PARPBP: variants seen among roughly 807,000 people sequenced by gnomAD.
PARPBP encodes the protein PARP1 binding protein.
A neutral mutation model predicts 50.0 loss-of-function variants in PARPBP; 52 were observed. The observed-to-expected ratio is 1.04, with a 90% CI of 0.83 to 1.31. The LOEUF (loss-of-function observed/expected upper bound fraction) is 1.31, where lower values mean the gene tolerates loss of function less well. PARPBP is among the 50% of genes most tolerant of loss of function. PARPBP has a pLI of 0.00. For synonymous variants in PARPBP, 244 were observed against 232.1 expected (o/e 1.05, Z -0.47); for missense variants, 697 against 672.0 (o/e 1.04, Z -0.41).
Position 102,156,409 on chromosome 12 carries a change from G to T in PARPBP, c.495+2433G>T, listed in dbSNP as rs1297801115. ...GGGTTTCACCCTGTTAGCCAGGTTG[G>T]TCTCAATCTCCTGACCTCGTGATCC... On this transcript the variant is annotated intron_variant, in intron 4 of 10. Transcript: ENST00000327680. Among the ~76,000 whole-genome samples the T allele has an allele frequency of 5.3e-5, 8 of 151,146 alleles. No homozygotes were observed. In the East Asian group the frequency reaches 1.6e-3, roughly 30 times the overall value.
At chr12:102,178,155 A>G (rs76157805) in intron 7 of PARPBP, among the ~76,000 whole-genome samples, 5,444 of 152,298 alleles carry the variant, frequency 0.036, 388 homozygotes, top group East Asian at 0.3. Flanking sequence ...TGATTATTGA[A>G]TGAATGAATG....
intron 2 of PARPBP, among the ~76,000 whole-genome samples, chr12:102,145,699 G>A (rs140539968): frequency 2.4e-4 from 37 of 152,148 alleles, no homozygotes; most frequent in Middle Eastern, 3.4e-3. Flanking sequence ...TATTTCTCGT[G>A]GGATAGATAG....
intron 2 of PARPBP, among the ~76,000 whole-genome samples, chr12:102,146,391 A>C (rs999436540): frequency 1.3e-5 from 2 of 151,678 alleles, no homozygotes; most frequent in Admixed American, 1.3e-4. Flanking sequence ...GGAACAGAAC[A>C]GAGCCCTCGG....
rs1000860445 is a variant in PARPBP, at chr12:102,197,511, T to C, written c.*1220T>C. 5.0e-6 allele frequency: 8 copies of C among 1,590,582 alleles called. No individual in the cohort carries two copies. The African/African-American group carries it at 1.1e-4, about 22-fold the overall frequency. Reference sequence around the variant, plus strand: ...TCATTGAAATAAACGACAAGTCACATTGCCACTTACCTTTGAAACTTTATT... The same window carrying C: ...TCATTGAAATAAACGACAAGTCACACTGCCACTTACCTTTGAAACTTTATT... On this transcript the variant is annotated 3_prime_UTR_variant, in exon 11 of 11. Coordinates refer to ENST00000327680, the MANE Select transcript of PARPBP (RefSeq NM_017915.5).
intron 3 of PARPBP, among the ~76,000 whole-genome samples, chr12:102,152,816 A>G (rs1886384886): frequency 6.6e-6 from 1 of 152,008 alleles, no homozygotes. Context: ...AGATCAATTC[A>G]GACCAAAATT....
chr12:102,135,234 C>T (rs954946129), intron 2 of PARPBP, among the ~76,000 whole-genome samples: 3 of 151,850 alleles, frequency 2.0e-5, no homozygotes, highest in East Asian at 1.9e-4. Context: ...CATACTGAAT[C>T]GGAGAAAGAG....
At chr12:102,122,771 T>C (rs1881357652) in intron 1 of PARPBP, among the ~76,000 whole-genome samples, 1 of 152,230 alleles carries the variant, frequency 6.6e-6, no homozygotes, top group Admixed American at 6.5e-5. Context: ...ACTTACAAGC[T>C]GAGTGACGTG....
At chr12:102,120,498 C>A in intron 1 of PARPBP, 1 of 456,482 alleles carries the variant, frequency 2.2e-6, no homozygotes, top group Non-Finnish European at 4.4e-6. Context: ...GCTGGTAGGT[C>A]CTGAGGGTTC....
intron 6 of PARPBP, among the ~76,000 whole-genome samples, chr12:102,168,083 C>T (rs1021938255): frequency 1.3e-5 from 2 of 152,054 alleles, no homozygotes; most frequent in African/African-American, 2.4e-5. Context: ...TTTTTTTGTA[C>T]TTTGATGAAA....
chr12:102,165,839 C>A lies in PARPBP; in HGVS notation c.777C>A (p.Phe259Leu). 7.6e-6 allele frequency: 12 copies of A among 1,581,290 alleles called. No homozygotes were observed. The highest frequency in any genetic ancestry group is 1.0e-5 in the Non-Finnish European group (12 of 1,151,542). Residue 259 changes from phenylalanine (F) to leucine (L), a missense_variant, in exon 6 of 11, where the codon TTC becomes TTA. Transcript: ENST00000327680. The part of the protein sequence containing the change: ...HVKGLSNFIN[F>L]IDKLDEILGE... The stretch of plus-strand genomic sequence containing the variant: ...AGGGATTGTCTAATTTTATTAATTT[C>A]ATTGACAAATTAGATGAGATTCTTG...
At chr12:102,154,009 C>A (rs1187933778) in intron 4 of PARPBP, 33 bp downstream of exon 4, 3 of 1,200,254 alleles carry the variant, frequency 2.5e-6, no homozygotes, top group Non-Finnish European at 3.7e-6. Context: ...TTAAAGCAGA[C>A]TATAATCCCT....
chr12:102,191,318 G>T (rs569481942), intron 9 of PARPBP, among the ~76,000 whole-genome samples: 2 of 152,224 alleles, frequency 1.3e-5, no homozygotes, highest in Non-Finnish European at 2.9e-5. Context: ...CTGCTATTAA[G>T]CAGAGTAAAT....
At chr12:102,120,410 T>A in intron 1 of PARPBP, 124 bp downstream of exon 1, 1 of 455,632 alleles carries the variant, frequency 2.2e-6, no homozygotes, top group East Asian at 7.0e-5. Flanking sequence ...GACCGAAGTA[T>A]TATGGTGCAG....
At chr12:102,142,004 C>T (rs549000058) in intron 2 of PARPBP, among the ~76,000 whole-genome samples, 1 of 152,106 alleles carries the variant, frequency 6.6e-6, no homozygotes, top group Non-Finnish European at 1.5e-5. Flanking sequence ...GTGGAGTTCT[C>T]TGTATTTCCT....
At chr12:102,188,183 G>A (rs1485283176) in intron 9 of PARPBP, among the ~76,000 whole-genome samples, 1 of 151,902 alleles carries the variant, frequency 6.6e-6, no homozygotes, top group African/African-American at 2.4e-5. Context: ...TGTGTGGGGA[G>A]GTAGGGAGCC....
chr12:102,171,864 G>A (rs1385832074), intron 6 of PARPBP, among the ~76,000 whole-genome samples: 1 of 147,004 alleles, frequency 6.8e-6, no homozygotes, highest in Admixed American at 6.8e-5. Context: ...ACGAGACTCC[G>A]CCTCAAAAAA....
chr12:102,197,468 T>A lies in PARPBP; in HGVS notation c.*1177T>A. On this transcript the variant is annotated 3_prime_UTR_variant, in exon 11 of 11. Transcript: ENST00000327680. ...TCAGTTTTACTTTTCAGAGGATTTG[T>A]AAGAATCATTTAAATTTTCATTGAA... is the stretch of plus-strand genomic sequence containing the variant. 3 of 1,493,652 alleles carry A rather than the reference T, an allele frequency of 2.0e-6. No homozygotes were observed. Among genetic ancestry groups the A allele is most frequent in the Non-Finnish European group, 2.7e-6 (3 of 1,105,790 alleles). 92.5% of individuals were successfully genotyped at this position (1,493,652 alleles called of 1,614,324 possible).
intron 9 of PARPBP, among the ~76,000 whole-genome samples, chr12:102,185,090 G>C (rs1180580182): frequency 6.6e-6 from 1 of 152,120 alleles, no homozygotes; most frequent in Non-Finnish European, 1.5e-5. Flanking sequence ...TTCTTAAATA[G>C]AAATAGATGC....
chr12:102,189,162 A>G (rs1218416608), intron 9 of PARPBP, among the ~76,000 whole-genome samples: 2 of 152,192 alleles, frequency 1.3e-5, no homozygotes, highest in East Asian at 3.8e-4. Flanking sequence ...TTCACATCAG[A>G]TTACTACCTA....
Sources: gnomAD v4.1 joint callset for allele counts (sites outside exome capture counted in the v4.1 genomes callset) on GRCh38, gnomAD v4.1.1 for gene constraint, MANE v1.5 for transcripts, NCBI Gene and HGNC (gene_info 2026-07-23, HGNC 2026-07-21) for gene names.